The following ATP6V1G1 variants were observed in gnomAD, a reference collection of about 807,000 sequenced individuals.
ATP6V1G1 encodes the protein ATPase H+ transporting V1 subunit G1.
Under a neutral mutation model 14.2 loss-of-function variants are expected in ATP6V1G1, and 14 were observed. The ratio of observed to expected loss-of-function variants is 0.99; its 90% CI spans 0.65 to 1.55. The LOEUF (loss-of-function observed/expected upper bound fraction) is 1.55, where lower values mean the gene tolerates loss of function less well. Among genes scored for constraint, ATP6V1G1 ranks in the 40% most tolerant of loss-of-function variants. The pLI, the probability that ATP6V1G1 is intolerant of heterozygous loss-of-function variation, is 0.00. For missense variants in ATP6V1G1, 137 were observed against 146.4 expected, an observed-to-expected ratio of 0.94 and a Z score of 0.33; for synonymous variants, 65 against 53.3, an observed-to-expected ratio of 1.22 and a Z score of -0.96.
chr9:114,596,249 G>A (rs1368491452), intron 2 of ATP6V1G1, among the ~76,000 whole-genome samples: 8 of 152,020 alleles, frequency 5.3e-5, no homozygotes, highest in African/African-American at 1.9e-4. Context: ...TTAGCCGGGC[G>A]TGGTGGCTGG....
At chr9:114,596,639 A>G (rs1845241315) in intron 2 of ATP6V1G1, among the ~76,000 whole-genome samples, 1 of 152,082 alleles carries the variant, frequency 6.6e-6, no homozygotes, top group South Asian at 2.1e-4. Flanking sequence ...TGTGTTTGTT[A>G]TTCTTGTTTG....
At chr9:114,593,353 C>T (rs1184348014) in intron 2 of ATP6V1G1, among the ~76,000 whole-genome samples, 1 of 152,142 alleles carries the variant, frequency 6.6e-6, no homozygotes, top group African/African-American at 2.4e-5. Flanking sequence ...TTTCTCTCAC[C>T]TCTGTGTTTG....
At chr9:114,593,647 C>G (rs972627971) in intron 2 of ATP6V1G1, among the ~76,000 whole-genome samples, 3 of 152,118 alleles carry the variant, frequency 2.0e-5, no homozygotes, top group African/African-American at 7.2e-5. Context: ...TAGGCATGAT[C>G]CATCATGCTC....
chr9:114,595,025 G>GT (rs76024528), intron 2 of ATP6V1G1, among the ~76,000 whole-genome samples: 2,414 of 138,000 alleles, frequency 0.017, 25 homozygotes, highest in African/African-American at 0.017. Flanking sequence ...ACGCCTGGCA[G>GT]TTTTTTTTTT....
intron 1 of ATP6V1G1, chr9:114,588,254 G>A (rs1845147120): frequency 3.5e-6 from 1 of 285,376 alleles, no homozygotes; most frequent in African/African-American, 2.2e-5. Context: ...CTCGGTGAAG[G>A]GAGCCAGCAT....
chr9:114,597,835 G>T lies in ATP6V1G1; in HGVS notation c.*92G>T. 2 of 1,189,438 alleles carry T rather than the reference G, an allele frequency of 1.7e-6. No individual in the cohort carries two copies. 73.7% of individuals were successfully genotyped at this position (1,189,438 alleles called of 1,614,324 possible). A position where few individuals can be genotyped will look rare whatever the true frequency, so the allele number is the denominator to read the frequency against. ...GCTCTAGTTACATTCTTATGATATG[G>T]CATTAAATTATTTCCATATATTATA... is the stretch of plus-strand genomic sequence containing the variant. On this transcript the variant is annotated 3_prime_UTR_variant, in exon 3 of 3. Coordinates refer to ENST00000374050, the MANE Select transcript of ATP6V1G1 (RefSeq NM_004888.4).
Position 114,597,561 on chromosome 9 carries a change from C to T in ATP6V1G1, c.184-9C>T, listed in dbSNP as rs766532972. 9 of 1,488,294 alleles carry T rather than the reference C, an allele frequency of 6.0e-6. No homozygotes were observed. In the Admixed American group the frequency reaches 1.2e-4, roughly 20 times the overall value. 92.2% of individuals were successfully genotyped at this position (1,488,294 alleles called of 1,614,324 possible). ...ATAATCCCTCCGTGACATCACTCCCCATCTCCAGGCATTGGGATCCCGTGG... is the reference window on the plus strand; with the variant it reads ...ATAATCCCTCCGTGACATCACTCCCTATCTCCAGGCATTGGGATCCCGTGG... On this transcript the variant is annotated splice_polypyrimidine_tract_variant and intron_variant, in intron 2 of 2. Coordinates refer to ENST00000374050, the MANE Select transcript of ATP6V1G1 (RefSeq NM_004888.4).
Position 114,597,738 on chromosome 9 carries a change from G to T in ATP6V1G1, c.352G>T (p.Gly118Ter), listed in dbSNP as rs150320956. 1.0e-4 allele frequency: 159 copies of T among 1,576,994 alleles called. 1 individual carries two copies. The East Asian group carries it at 3.7e-3, about 36-fold the overall frequency. ...PEIHENYRIN[G>*] is the part of the protein sequence containing the mutation. Reference sequence around the variant, plus strand: ...AATCCATGAAAACTACCGCATAAATGGATAGAAGAGAGAAGCACCTGTGCT... The same window carrying T: ...AATCCATGAAAACTACCGCATAAATTGATAGAAGAGAGAAGCACCTGTGCT... The change falls in exon 3 of 3, where the codon GGA becomes TGA. Residue 118 changes from glycine to a stop codon, truncating the protein, a stop_gained. Coordinates refer to ENST00000374050, the MANE Select transcript of ATP6V1G1 (RefSeq NM_004888.4). LOFTEE classifies it high-confidence loss of function.
Position 114,598,527 on chromosome 9 carries a change from T to C in ATP6V1G1, c.*784T>C, listed in dbSNP as rs1047585993. On this transcript the variant is annotated 3_prime_UTR_variant, in exon 3 of 3. Transcript: ENST00000374050. The stretch of plus-strand genomic sequence containing the variant: ...CACACATATCACATACCCATTTATA[T>C]ACATAATTAGAAAATGTTCCTGATA... Among the ~76,000 whole-genome samples, 5 of 152,214 alleles carry C rather than the reference T, an allele frequency of 3.3e-5. No individual in the cohort carries two copies. In the East Asian group the frequency reaches 9.6e-4, roughly 29 times the overall value.
chr9:114,588,503 C>T (rs911272494), intron 1 of ATP6V1G1, among the ~76,000 whole-genome samples: 1 of 127,244 alleles, frequency 7.9e-6, no homozygotes, highest in African/African-American at 3.2e-5. Context: ...TAACATGTGG[C>T]AAGCGCAGTG....
At chr9:114,587,975 G>T in intron 1 of ATP6V1G1, 55 bp downstream of exon 1, 1 of 1,540,808 alleles carries the variant, frequency 6.5e-7, no homozygotes, top group South Asian at 1.2e-5. Flanking sequence ...AAGACCGCTG[G>T]GCCTCAGGTG....
At chr9:114,595,695 C>T (rs1480174332) in intron 2 of ATP6V1G1, among the ~76,000 whole-genome samples, 2 of 151,996 alleles carry the variant, frequency 1.3e-5, no homozygotes, top group African/African-American at 4.8e-5. Flanking sequence ...CAGTGGTGCA[C>T]ACCTGTGGTC....
Position 114,587,811 on chromosome 9 carries a change from T to C in ATP6V1G1, c.-28T>C. ...GGGCCTTCGAGGTGCCTTAGGCCGC[T>C]TGCCTTGCTCTCAGAATCGCTGCCG... On this transcript the variant is annotated 5_prime_UTR_variant, in exon 1 of 3. Transcript: ENST00000374050. The C allele has an allele frequency of 6.4e-7, 1 of 1,567,896 alleles. No individual in the cohort carries two copies. The highest frequency in any genetic ancestry group is 8.7e-7 in the Non-Finnish European group (1 of 1,155,976).
intron 2 of ATP6V1G1, 114 bp from the exon 3 acceptor site, chr9:114,597,456 A>G (rs2133561443): frequency 1.8e-6 from 2 of 1,100,152 alleles, no homozygotes; most frequent in Non-Finnish European, 1.2e-6. Context: ...TTCTGAGTAT[A>G]CTGATAGGTG....
At chr9:114,591,355 G>A (rs922159833) in intron 1 of ATP6V1G1, among the ~76,000 whole-genome samples, 12 of 152,198 alleles carry the variant, frequency 7.9e-5, no homozygotes, top group Non-Finnish European at 1.6e-4. Context: ...GAAATCATGC[G>A]GAGCTACTGC....
chr9:114,588,139 A>G, intron 1 of ATP6V1G1: 1 of 594,314 alleles, frequency 1.7e-6, no homozygotes, highest in Non-Finnish European at 3.0e-6. Context: ...CGTGGAAACA[A>G]TAATGGGTTA....
rs372798959 is a variant in ATP6V1G1 at position 114,587,813 on chromosome 9, G to A, written c.-26G>A. The A allele has an allele frequency of 1.6e-5, 25 of 1,569,754 alleles. No individual in the cohort carries two copies. In the East Asian group the frequency reaches 3.5e-4, roughly 22 times the overall value. ...GCCTTCGAGGTGCCTTAGGCCGCTTGCCTTGCTCTCAGAATCGCTGCCGCC... is the reference window on the plus strand; with the variant it reads ...GCCTTCGAGGTGCCTTAGGCCGCTTACCTTGCTCTCAGAATCGCTGCCGCC... On this transcript the variant is annotated 5_prime_UTR_variant, in exon 1 of 3. Transcript: ENST00000374050.
chr9:114,591,887 C>T (rs1304366191), intron 1 of ATP6V1G1, among the ~76,000 whole-genome samples: 2 of 151,776 alleles, frequency 1.3e-5, no homozygotes, highest in Non-Finnish European at 2.9e-5. Context: ...TTCATGTAGA[C>T]TCTGACCAAA....
In ATP6V1G1 at chr9:114,595,807, C is replaced by G. The variant is rs139657490; in HGVS notation, c.184-1763C>G. Among the ~76,000 whole-genome samples, 131 of 152,076 alleles carry G rather than the reference C, an allele frequency of 8.6e-4. 5 individuals are homozygous for G. The Middle Eastern group carries it at 0.017, about 20-fold the overall frequency. On this transcript the variant is annotated intron_variant, in intron 2 of 2. Transcript: ENST00000374050. Reference sequence around the variant, plus strand: ...GGAAAAAAAAATGGAGTGATAGCCTCCTTATAGGTCGTTGTGAGGAATAGG... The same window carrying G: ...GGAAAAAAAAATGGAGTGATAGCCTGCTTATAGGTCGTTGTGAGGAATAGG...
Sources: gnomAD v4.1 joint callset for allele counts (sites outside exome capture counted in the v4.1 genomes callset) on GRCh38, gnomAD v4.1.1 for gene constraint, MANE v1.5 for transcripts, NCBI Gene and HGNC (gene_info 2026-07-23, HGNC 2026-07-21) for gene names.